The following SENP8 variants were observed in gnomAD, a reference collection of about 807,000 sequenced individuals.
SENP8 encodes SUMO peptidase family member, NEDD8 specific.
In SENP8, 10 loss-of-function variants were observed where a neutral mutation model predicts 14.4. The ratio of observed to expected loss-of-function variants is 0.69; its 90% confidence interval spans 0.43 to 1.18. SENP8 has a LOEUF of 1.18. SENP8 is among the 50% of genes most tolerant of loss of function. The pLI, the probability that SENP8 is intolerant of heterozygous loss-of-function variation, is 0.00. For missense variants in SENP8, 202 were observed against 249.4 expected (o/e 0.81, Z 1.28); for synonymous variants, 94 against 95.5 (o/e 0.98, Z 0.09).
chr15:72,118,354 G>A (rs1184995144), upstream of SENP8: 2 of 177,466 alleles, frequency 1.1e-5, no homozygotes, highest in Non-Finnish European at 2.3e-5. Context: ...GTACTGGAAA[G>A]GGATGTCGCA....
rs778078887 is a variant in SENP8 at position 72,142,251 on chromosome 15, G to A, written c.*1989G>A. The stretch of plus-strand genomic sequence containing the variant: ...CCTGATTGGACTGTGCCACAGATTA[G>A]TGTCCTCCTATGAAATTTTGAGTAT... On this transcript the variant is annotated 3_prime_UTR_variant, in exon 2 of 2. Coordinates refer to ENST00000340912, the MANE Select transcript of SENP8 (RefSeq NM_145204.4). The A allele has an allele frequency of 3.4e-4, 51 of 152,078 alleles. No individual in the cohort carries two copies. The highest frequency in any genetic ancestry group is 6.0e-4 in the Non-Finnish European group (41 of 68,014). 9.4% of individuals were successfully genotyped at this position (152,078 alleles called of 1,614,324 possible).
At chr15:72,133,064 G>A (rs191675665) in intron 1 of SENP8, among the ~76,000 whole-genome samples, 136 of 152,256 alleles carry the variant, frequency 8.9e-4, no homozygotes, top group African/African-American at 2.7e-3. Flanking sequence ...CCAGCTACGC[G>A]GGAGGCTGAG....
Position 72,142,446 on chromosome 15 carries a change from C to G in SENP8, c.*2184C>G, listed in dbSNP as rs1019823954. 1 of 152,210 alleles carries G rather than the reference C, an allele frequency of 6.6e-6. No homozygotes were observed. The highest frequency in any genetic ancestry group is 2.4e-5 in the African/African-American group (1 of 41,444). 9.4% of individuals were successfully genotyped at this position (152,210 alleles called of 1,614,324 possible). ...TTTTGCTGGTATTGCGTTCCCTTCT[C>G]TCTTAGAGTCAAAAGGATCTATTCT... On this transcript the variant is annotated 3_prime_UTR_variant, in exon 2 of 2. Transcript: ENST00000340912.
At chr15:72,134,958 C>T (rs953275922) in intron 1 of SENP8, 7 of 300,442 alleles carry the variant, frequency 2.3e-5, no homozygotes, top group Admixed American at 1.2e-4. Flanking sequence ...TTCCTGAAAT[C>T]GTGAAGGAAA....
intron 1 of SENP8, among the ~76,000 whole-genome samples, chr15:72,132,695 C>T (rs1416158533): frequency 6.6e-6 from 1 of 150,440 alleles, no homozygotes; most frequent in East Asian, 1.9e-4. Flanking sequence ...TCACTCTATC[C>T]CCCAGGCTGG....
At chr15:72,122,439 A>G (rs896357171) in intron 1 of SENP8, among the ~76,000 whole-genome samples, 6 of 152,200 alleles carry the variant, frequency 3.9e-5, no homozygotes, top group Admixed American at 1.3e-4. Flanking sequence ...AAACTGATCA[A>G]TACCGGACTA....
At chr15:72,120,953 C>G (rs993684350) in intron 1 of SENP8, among the ~76,000 whole-genome samples, 6 of 152,186 alleles carry the variant, frequency 3.9e-5, no homozygotes, top group Non-Finnish European at 7.3e-5. Context: ...TCACAGAACC[C>G]TGATATTCTA....
rs1386439428 is a variant in SENP8, at chr15:72,141,945, C to G, written c.*1683C>G. The G allele has an allele frequency of 6.6e-6, 1 of 152,162 alleles. No individual in the cohort carries two copies. Among genetic ancestry groups the G allele is most frequent in the African/African-American group, 2.4e-5 (1 of 41,446 alleles). 9.4% of individuals were successfully genotyped at this position (152,162 alleles called of 1,614,324 possible). On this transcript the variant is annotated 3_prime_UTR_variant, in exon 2 of 2. Coordinates refer to ENST00000340912, the MANE Select transcript of SENP8 (RefSeq NM_145204.4). ...GTGACTGTTGACTTAGGCAGCTAAT[C>G]TAGACTATTAAAGTCAAATCCTCTC...
At chr15:72,117,811 G>A (rs2081055565), upstream of SENP8, 2 of 398,468 alleles carry the variant, frequency 5.0e-6, no homozygotes, top group Admixed American at 8.8e-5. Flanking sequence ...GGTTCCGGGA[G>A]GGTGGGCCCA....
upstream of SENP8, among the ~76,000 whole-genome samples, chr15:72,115,389 TC>T (rs1486519730): frequency 4.6e-5 from 7 of 152,106 alleles, no homozygotes; most frequent in Non-Finnish European, 1.0e-4. Context: ...AATTAACCCC[TC>T]TATCCTTCCT....
chr15:72,143,194 A>C lies in SENP8; in HGVS notation c.*2932A>C, dbSNP rs920410569. 1 of 150,652 alleles carries C rather than the reference A, an allele frequency of 6.6e-6. No individual in the cohort carries two copies. Among genetic ancestry groups the C allele is most frequent in the Non-Finnish European group, 1.5e-5 (1 of 67,800 alleles). 9.3% of individuals were successfully genotyped at this position (150,652 alleles called of 1,614,324 possible). A position where few individuals can be genotyped will look rare whatever the true frequency, so the allele number is the denominator to read the frequency against. On this transcript the variant is annotated 3_prime_UTR_variant, in exon 2 of 2. Coordinates refer to ENST00000340912, the MANE Select transcript of SENP8 (RefSeq NM_145204.4). ...GCCTAGGCAACAGAGCGAGACTCTT[A>C]TCTCAAAAAAAAAAAAAAAAGTATT...
chr15:72,122,714 A>G (rs1208382645), intron 1 of SENP8, among the ~76,000 whole-genome samples: 2 of 152,366 alleles, frequency 1.3e-5, no homozygotes, highest in East Asian at 3.9e-4. Context: ...AGGTTCAGCT[A>G]TCTGACACCT....
rs754371004 is a variant in SENP8, at chr15:72,143,408, G to A, written c.*3146G>A. On this transcript the variant is annotated 3_prime_UTR_variant, in exon 2 of 2. Transcript: ENST00000340912. ...CAGCTAAACAGCTGTGTAAAAAATGGCTGATAATTACTGTTATGTACAAAA... is the reference window on the plus strand; with the variant it reads ...CAGCTAAACAGCTGTGTAAAAAATGACTGATAATTACTGTTATGTACAAAA... 6.6e-6 allele frequency: 1 copy of A among 152,084 alleles called. No individual in the cohort carries two copies. The highest frequency in any genetic ancestry group is 1.9e-4 in the East Asian group (1 of 5,202). The allele number at this position is 152,084 out of a possible 1,614,324, so 9.4% of individuals were successfully genotyped here. A position where few individuals can be genotyped will look rare whatever the true frequency, so the allele number is the denominator to read the frequency against.
chr15:72,137,841 G>A (rs1287652174), intron 1 of SENP8, among the ~76,000 whole-genome samples: 4 of 151,834 alleles, frequency 2.6e-5, no homozygotes, highest in Non-Finnish European at 5.9e-5. Context: ...GTGTTGTGGC[G>A]GGCGCCTGTA....
chr15:72,117,991 C>T (rs1191972223), upstream of SENP8: 5 of 398,976 alleles, frequency 1.3e-5, no homozygotes, highest in Non-Finnish European at 2.2e-5. Flanking sequence ...ACTACTGCCT[C>T]CGCCGCCGCC....
rs562150893 is a variant in SENP8 at position 72,139,342 on chromosome 15, CTCA to C, written c.-47-227_-47-225del. The C allele has an allele frequency of 8.4e-4, 322 of 384,708 alleles. 3 individuals are homozygous for C. The highest frequency in any genetic ancestry group is 3.5e-3 in the South Asian group (58 of 16,796). 23.8% of individuals were successfully genotyped at this position (384,708 alleles called of 1,614,324 possible). On this transcript the variant is annotated intron_variant, in intron 1 of 1. Coordinates refer to ENST00000340912, the MANE Select transcript of SENP8 (RefSeq NM_145204.4). ...ATGGATCGTCATAAAGGTCTTCATC[CTCA>C]TCATCATGTTGAGTAGGCTGAAGAG... is the stretch of plus-strand genomic sequence containing the variant.
At position 72,140,325 on chromosome 15, in the gene SENP8, G is replaced by A; in HGVS notation, c.*63G>A. 3.3e-6 allele frequency: 4 copies of A among 1,207,150 alleles called. No individual in the cohort carries two copies. In the South Asian group the frequency reaches 5.4e-5, roughly 16 times the overall value. The allele number at this position is 1,207,150 out of a possible 1,614,324, so 74.8% of individuals were successfully genotyped here. On this transcript the variant is annotated 3_prime_UTR_variant, in exon 2 of 2. Coordinates refer to ENST00000340912, the MANE Select transcript of SENP8 (RefSeq NM_145204.4). ...TTCTGCCCTTCCCCATTTGTTGGATGGCTGCAATCTCAGTGCCTGAGGGAA... is the reference window on the plus strand; with the variant it reads ...TTCTGCCCTTCCCCATTTGTTGGATAGCTGCAATCTCAGTGCCTGAGGGAA...
chr15:72,118,261 T>G, upstream of SENP8: 2 of 305,830 alleles, frequency 6.5e-6, no homozygotes, highest in Non-Finnish European at 6.0e-6. Context: ...CACGCCCCCT[T>G]TCCTACGCCC....
At chr15:72,125,285 C>T (rs1002497919) in intron 1 of SENP8, among the ~76,000 whole-genome samples, 4 of 152,126 alleles carry the variant, frequency 2.6e-5, no homozygotes, top group African/African-American at 9.7e-5. Flanking sequence ...AATCTCTCAG[C>T]AATGCTAATT....
Sources: gnomAD v4.1 joint callset for allele counts (sites outside exome capture counted in the v4.1 genomes callset) on GRCh38, gnomAD v4.1.1 for gene constraint, MANE v1.5 for transcripts, NCBI Gene and HGNC (gene_info 2026-07-23, HGNC 2026-07-21) for gene names.